Variants in ROBO2 observed in about 807,000 individuals in gnomAD.
ROBO2 encodes roundabout guidance receptor 2.
Under a neutral mutation model 160.8 loss-of-function variants are expected in ROBO2, and 53 were observed. The ratio of observed to expected loss-of-function variants is 0.33; its 90% CI spans 0.26 to 0.41. The LOEUF (loss-of-function observed/expected upper bound fraction) is 0.41, where lower values mean the gene tolerates loss of function less well. Among genes scored for constraint, ROBO2 ranks in the 10% least tolerant of loss-of-function variants. The pLI is 1.00. For synonymous variants in ROBO2, 664 were observed against 611.7 expected (o/e 1.09, Z -1.26); for missense variants, 1,577 against 1,722.4 (o/e 0.92, Z 1.49).
intron 2 of ROBO2, among the ~76,000 whole-genome samples, chr3:77,157,335 A>ATTG (rs111683972): frequency 0.31 from 46,792 of 151,764 alleles, 8,559 homozygotes; most frequent in Middle Eastern, 0.46. Context: ...AAAATATCTA[A>ATTG]AATTCAATTG....
chr3:76,006,479 G>A (rs2066023474), intron 2 of ROBO2, among the ~76,000 whole-genome samples: 1 of 152,082 alleles, frequency 6.6e-6, no homozygotes, highest in Non-Finnish European at 1.5e-5. Context: ...AAGGGAAGCT[G>A]ATATGACTGT....
intron 2 of ROBO2, among the ~76,000 whole-genome samples, chr3:77,163,105 G>A (rs565690989): frequency 8.1e-4 from 124 of 152,170 alleles, no homozygotes; most frequent in African/African-American, 2.8e-3. Flanking sequence ...CAGAGTGCTG[G>A]GATTACAGGT....
At position 76,189,576 on chromosome 3, in the gene ROBO2, T is replaced by C. The variant is rs957927273; in HGVS notation, c.109+251974T>C. On this transcript the variant is annotated intron_variant, in intron 2 of 26. Coordinates refer to the ROBO2 transcript ENST00000487694. ...TGTACATACAAAACAGGGTAAAATA[T>C]ATATTTTAAGACATTCTCTTGTCTT... Among the ~76,000 whole-genome samples the C allele has an allele frequency of 2.0e-4, 30 of 152,270 alleles. 1 individual carries two copies. Among genetic ancestry groups the C allele is most frequent in the Middle Eastern group, 6.8e-3 (2 of 294 alleles).
intron 2 of ROBO2, among the ~76,000 whole-genome samples, chr3:76,693,493 A>ATATC (rs4053711): frequency 0.57 from 86,345 of 150,658 alleles, 26,235 homozygotes; most frequent in East Asian, 0.78. Context: ...GTGTATATAT[A>ATATC]CATATATAGA....
intron 2 of ROBO2, among the ~76,000 whole-genome samples, chr3:76,326,110 C>G (rs1248420680): frequency 6.6e-6 from 1 of 152,060 alleles, no homozygotes; most frequent in Non-Finnish European, 1.5e-5. Flanking sequence ...GTTTTGGAGA[C>G]TTTTGGTCTT....
chr3:76,144,432 C>CA (rs1311388831), intron 2 of ROBO2, among the ~76,000 whole-genome samples: 2 of 151,764 alleles, frequency 1.3e-5, no homozygotes, highest in African/African-American at 4.8e-5. Context: ...CTGAAAAGTA[C>CA]AAAAAAGTAG....
At chr3:77,602,491 G>A in exon 20 of ROBO2, 1 of 1,614,028 alleles carries the variant, frequency 6.2e-7, no homozygotes, top group Non-Finnish European at 8.5e-7. Flanking sequence ...AGGTAACAAT[G>A]GTGAGTCAGG....
rs2079425576 is a variant in ROBO2 at position 77,169,556 on chromosome 3, TAAAATTTTC to T, written c.388+71218_388+71226del. Among the ~76,000 whole-genome samples the T allele has an allele frequency of 3.3e-5, 5 of 152,282 alleles. No homozygotes were observed. In the South Asian group the frequency reaches 1.0e-3, roughly 32 times the overall value. On this transcript the variant is annotated intron_variant, in intron 2 of 25. Transcript: ENST00000461745. Reference sequence around the variant, plus strand: ...TAAATACAATGCAAGTATATACTGTTAAAATTTTCAGAATATCGTTTCTGAAAATTACTT... The same window carrying T: ...TAAATACAATGCAAGTATATACTGTTAGAATATCGTTTCTGAAAATTACTT...
At chr3:76,037,612 G>T (rs1280537148) in intron 2 of ROBO2, among the ~76,000 whole-genome samples, 1 of 151,904 alleles carries the variant, frequency 6.6e-6, no homozygotes, top group Non-Finnish European at 1.5e-5. Flanking sequence ...AATGTTTTCT[G>T]TGTATCAAGC....
intron 2 of ROBO2, among the ~76,000 whole-genome samples, chr3:76,067,499 T>TA (rs34887221): frequency 0.63 from 93,873 of 150,056 alleles, 29,827 homozygotes; most frequent in African/African-American, 0.74. Flanking sequence ...TGGAATTGTT[T>TA]AAAAAAAAAA....
At chr3:77,043,569 A>G (rs1190425106) in intron 1 of ROBO2, among the ~76,000 whole-genome samples, 1 of 152,330 alleles carries the variant, frequency 6.6e-6, no homozygotes, top group South Asian at 2.1e-4. Flanking sequence ...TGGGATGTAA[A>G]TAATGGTTTT....
At chr3:76,692,830 A>G (rs1457729799) in intron 2 of ROBO2, among the ~76,000 whole-genome samples, 1 of 151,894 alleles carries the variant, frequency 6.6e-6, no homozygotes, top group African/African-American at 2.4e-5. Flanking sequence ...AGAGAAATGT[A>G]TTATTCAGGG....
At chr3:77,031,042 A>T (rs2063288902) in intron 2 of ROBO2, among the ~76,000 whole-genome samples, 1 of 152,196 alleles carries the variant, frequency 6.6e-6, no homozygotes, top group South Asian at 2.1e-4. Context: ...TACAGCTGGT[A>T]ACAAATATTT....
chr3:76,741,247 A>G (rs1189780849), intron 2 of ROBO2, among the ~76,000 whole-genome samples: 1 of 152,038 alleles, frequency 6.6e-6, no homozygotes, highest in Non-Finnish European at 1.5e-5. Flanking sequence ...AAAATTTCCA[A>G]TTTTTAAAAA....
intron 2 of ROBO2, among the ~76,000 whole-genome samples, chr3:76,341,892 T>C (rs189651326): frequency 3.5e-4 from 54 of 152,302 alleles, no homozygotes; most frequent in Admixed American, 2.4e-3. Context: ...TGGAGACTTC[T>C]AGCATATGTT....
At chr3:77,036,800 G>T (rs1357757517), upstream of ROBO2, among the ~76,000 whole-genome samples, 4 of 151,628 alleles carry the variant, frequency 2.6e-5, no homozygotes, top group Non-Finnish European at 4.4e-5. Flanking sequence ...CTCTGATGTG[G>T]TGGTCATGGG....
Position 77,522,917 on chromosome 3 carries a change from A to T in ROBO2, c.934+15A>T. 1.9e-6 allele frequency: 3 copies of T among 1,608,566 alleles called. No individual in the cohort carries two copies. The highest frequency in any genetic ancestry group is 2.6e-6 in the Non-Finnish European group (3 of 1,176,054). ...CACCGTCCGAGGTAAGAGATTTAAG[A>T]TGTCAAAGATAATTGAACCAGGAGA... is the stretch of plus-strand genomic sequence containing the variant. On this transcript the variant is annotated intron_variant, in intron 6 of 25. Transcript: ENST00000461745.
intron 2 of ROBO2, among the ~76,000 whole-genome samples, chr3:77,173,338 G>A (rs2079817570): frequency 6.6e-6 from 1 of 151,694 alleles, no homozygotes; most frequent in African/African-American, 2.4e-5. Flanking sequence ...TTCTTTCCCA[G>A]GAGTGCTCTC....
intron 2 of ROBO2, among the ~76,000 whole-genome samples, chr3:77,235,722 T>G (rs1369712496): frequency 6.6e-6 from 1 of 152,252 alleles, no homozygotes; most frequent in Non-Finnish European, 1.5e-5. Flanking sequence ...AACCTCTTTC[T>G]GCCAGAATAA....
Sources: gnomAD v4.1 joint callset for allele counts (sites outside exome capture counted in the v4.1 genomes callset) on GRCh38, gnomAD v4.1.1 for gene constraint, MANE v1.5 for transcripts, NCBI Gene and HGNC (gene_info 2026-07-23, HGNC 2026-07-21) for gene names.